The following PTPN4 variants were observed in gnomAD, a reference collection of about 807,000 sequenced individuals.
The protein encoded by PTPN4 is tyrosine-protein phosphatase non-receptor type 4.
In PTPN4, 49 loss-of-function variants were observed where a neutral mutation model predicts 135.5. That is an observed-to-expected ratio of 0.36 (90% CI 0.29 to 0.46). The LOEUF (loss-of-function observed/expected upper bound fraction) is 0.46. Among genes scored for constraint, PTPN4 ranks in the 20% least tolerant of loss-of-function variants. The pLI, the probability that PTPN4 is intolerant of heterozygous loss-of-function variation, is 1.00. For missense variants in PTPN4, 860 were observed against 1,101.0 expected, an observed-to-expected ratio of 0.78 and a Z score of 3.10; for synonymous variants, 333 against 369.9, an observed-to-expected ratio of 0.90 and a Z score of 1.14.
intron 18 of PTPN4, among the ~76,000 whole-genome samples, chr2:119,951,445 A>G (rs1409976696): frequency 1.3e-5 from 2 of 152,214 alleles, no homozygotes; most frequent in Non-Finnish European, 2.9e-5. Context: ...AGGCAGCCCA[A>G]CTACATGCTT....
chr2:119,917,357 T>C (rs1390583983), intron 11 of PTPN4, among the ~76,000 whole-genome samples: 1 of 152,214 alleles, frequency 6.6e-6, no homozygotes, highest in Non-Finnish European at 1.5e-5. Context: ...TAGATTTTCA[T>C]GCTATTGGGT....
At chr2:119,871,625 A>T (rs538581542) in intron 3 of PTPN4, among the ~76,000 whole-genome samples, 1 of 152,030 alleles carries the variant, frequency 6.6e-6, no homozygotes, top group East Asian at 1.9e-4. Context: ...AACAGAGGCT[A>T]CCTCTTTGGA....
intron 19 of PTPN4, 44 bp downstream of exon 19, chr2:119,952,173 A>G (rs917144293): frequency 6.6e-7 from 1 of 1,517,688 alleles, no homozygotes; most frequent in Non-Finnish European, 9.0e-7. Context: ...GTAATTTATT[A>G]CTGTTCATTA....
At chr2:119,894,428 C>A (rs1182790493) in intron 9 of PTPN4, among the ~76,000 whole-genome samples, 1 of 152,172 alleles carries the variant, frequency 6.6e-6, no homozygotes, top group Non-Finnish European at 1.5e-5. Flanking sequence ...AGTCAACCAT[C>A]TTTCTATATC....
chr2:119,866,808 T>G (rs965320873), intron 3 of PTPN4, among the ~76,000 whole-genome samples: 11 of 152,204 alleles, frequency 7.2e-5, no homozygotes, highest in Non-Finnish European at 1.2e-4. Context: ...GCTAAAATGC[T>G]TAAATCTATT....
At chr2:119,956,573 C>CA (rs1679289933) in intron 20 of PTPN4, among the ~76,000 whole-genome samples, 1 of 152,196 alleles carries the variant, frequency 6.6e-6, no homozygotes, top group Non-Finnish European at 1.5e-5. Context: ...ATTTGCTACT[C>CA]ACAACTTCAG....
At chr2:119,955,048 A>G (rs1679260728) in intron 19 of PTPN4, 109 bp from the exon 20 acceptor site, 1 of 1,045,230 alleles carries the variant, frequency 9.6e-7, no homozygotes, top group Non-Finnish European at 1.3e-6. Context: ...TTCTTCACAA[A>G]TGAATTATTT....
chr2:119,933,457 T>G (rs922649940), intron 14 of PTPN4, among the ~76,000 whole-genome samples: 1 of 152,132 alleles, frequency 6.6e-6, no homozygotes, highest in South Asian at 2.1e-4. Flanking sequence ...AGTGTGTGGA[T>G]TCCTTAAGGT....
rs1054991738 is a variant in PTPN4 at position 119,977,481 on chromosome 2, G to C, written c.*411G>C. On this transcript the variant is annotated 3_prime_UTR_variant, in exon 27 of 27. Coordinates refer to ENST00000263708, the MANE Select transcript of PTPN4 (RefSeq NM_002830.4). ...GCTCTGGTCTTTTGCAGTGGTTTGCGTACTTACTATACTGATTACCAGATT... is the reference window on the plus strand; with the variant it reads ...GCTCTGGTCTTTTGCAGTGGTTTGCCTACTTACTATACTGATTACCAGATT... 1 of 156,778 alleles carries C rather than the reference G, an allele frequency of 6.4e-6. No individual in the cohort carries two copies. The highest frequency in any genetic ancestry group is 2.4e-5 in the African/African-American group (1 of 41,496). The allele number at this position is 156,778 out of a possible 1,614,324, so 9.7% of individuals were successfully genotyped here.
At chr2:119,876,550 A>G (rs112581247) in intron 3 of PTPN4, among the ~76,000 whole-genome samples, 2 of 152,248 alleles carry the variant, frequency 1.3e-5, no homozygotes, top group African/African-American at 4.8e-5. Context: ...AATGATACAT[A>G]AACTTACTTG....
At chr2:119,852,495 T>C (rs938853687) in intron 2 of PTPN4, among the ~76,000 whole-genome samples, 1 of 152,276 alleles carries the variant, frequency 6.6e-6, no homozygotes, top group African/African-American at 2.4e-5. Context: ...CACTTGTTTC[T>C]GACAGCTTCA....
chr2:119,775,599 T>A (rs1690820975), intron 1 of PTPN4, among the ~76,000 whole-genome samples: 2 of 152,146 alleles, frequency 1.3e-5, no homozygotes, highest in Admixed American at 1.3e-4. Context: ...TTGTCAGCAT[T>A]ATGGAAGAGA....
intron 2 of PTPN4, among the ~76,000 whole-genome samples, chr2:119,859,023 G>A (rs1434923814): frequency 6.6e-6 from 1 of 151,614 alleles, no homozygotes; most frequent in East Asian, 1.9e-4. Flanking sequence ...TTATTCTTTT[G>A]TTGAGCCCAT....
intron 15 of PTPN4, among the ~76,000 whole-genome samples, chr2:119,935,911 A>T (rs898404276): frequency 1.3e-5 from 2 of 152,218 alleles, no homozygotes; most frequent in Non-Finnish European, 2.9e-5. Context: ...CAAAACCAAT[A>T]TAATTCTTGA....
chr2:119,837,286 G>A (rs1677309214), intron 2 of PTPN4, among the ~76,000 whole-genome samples: 1 of 152,140 alleles, frequency 6.6e-6, no homozygotes, highest in Non-Finnish European at 1.5e-5. Flanking sequence ...GACTCTTCGA[G>A]GCAATCTGTC....
At chr2:119,807,726 G>C (rs1282361489) in intron 1 of PTPN4, among the ~76,000 whole-genome samples, 1 of 152,168 alleles carries the variant, frequency 6.6e-6, no homozygotes, top group Non-Finnish European at 1.5e-5. Flanking sequence ...CTCATTTTAT[G>C]AGGCCAGCAT....
At chr2:119,865,306 G>A (rs1677816414) in intron 3 of PTPN4, among the ~76,000 whole-genome samples, 1 of 152,006 alleles carries the variant, frequency 6.6e-6, no homozygotes, top group African/African-American at 2.4e-5. Flanking sequence ...AAGGAGTAGG[G>A]GAGTATCATT....
At chr2:119,879,961 C>A (rs1678046321) in intron 5 of PTPN4, 1 of 140,776 alleles carries the variant, frequency 7.1e-6, no homozygotes, top group South Asian at 2.2e-4. Context: ...TAAAATATCC[C>A]TTTAACTAAT....
Position 119,977,285 on chromosome 2 carries a change from C to A in PTPN4, c.*215C>A. 1 of 749,566 alleles carries A rather than the reference C, an allele frequency of 1.3e-6. No individual in the cohort carries two copies. The highest frequency in any genetic ancestry group is 1.8e-6 in the Non-Finnish European group (1 of 551,872). 46.4% of individuals were successfully genotyped at this position (749,566 alleles called of 1,614,324 possible). ...TATTTGAAGACTGTTTCATGCTTTG[C>A]TCCGAACAAATAGTAAATAACTGAG... On this transcript the variant is annotated 3_prime_UTR_variant, in exon 27 of 27. Transcript: ENST00000263708.
Sources: allele counts gnomAD v4.1 joint callset (sites outside exome capture counted in the v4.1 genomes callset), GRCh38; gene constraint gnomAD v4.1.1; transcripts MANE v1.5; gene names NCBI Gene and HGNC (gene_info 2026-07-23, HGNC 2026-07-21).